The following PDLIM1 variants were observed in gnomAD, a reference collection of about 807,000 sequenced individuals.
PDLIM1 encodes PDZ and LIM domain 1, also known as PDZ and LIM domain protein 1.
In PDLIM1, 25 loss-of-function variants were observed where a neutral mutation model predicts 35.2. The observed-to-expected ratio is 0.71, with a 90% CI of 0.52 to 0.99. The LOEUF is 0.99. Ranked by LOEUF, PDLIM1 falls within the 50% of genes least tolerant of loss-of-function variation. PDLIM1 has a pLI of 0.00. For synonymous variants in PDLIM1, 152 were observed against 154.0 expected (o/e 0.99, Z 0.10); for missense variants, 363 against 415.3 (o/e 0.87, Z 1.09).
At chr10:95,266,318 T>C (rs1211234840) in intron 3 of PDLIM1, among the ~76,000 whole-genome samples, 1 of 152,166 alleles carries the variant, frequency 6.6e-6, no homozygotes, top group Non-Finnish European at 1.5e-5. Context: ...ATATAGTAAT[T>C]AAAGGCTATG....
Position 95,290,875 on chromosome 10 carries a change from C to G in PDLIM1, c.41G>C (p.Trp14Ser). The part of the protein sequence containing the change: ...QQIDLQGPGP[W>S]GFRLVGGKDF... ...CTTGCCGCCCACGAGGCGGAAGCCC[C>G]ACGGCCCCGGGCCCTGGAGGTCTAT... is the stretch of plus-strand genomic sequence containing the variant. Residue 14 changes from tryptophan to serine, a missense_variant, in exon 1 of 7, where the codon TGG becomes TCG. By Grantham distance (177) the Trp-to-Ser change is radical. Transcript: ENST00000329399. The surrounding 1 kb of genome is among the most constrained non-coding windows in gnomAD (Gnocchi z 4.7). The G allele has an allele frequency of 6.4e-7, 1 of 1,565,222 alleles. No homozygotes were observed. Among genetic ancestry groups the G allele is most frequent in the Non-Finnish European group, 8.7e-7 (1 of 1,155,626 alleles).
chr10:95,272,670 T>G (rs975110302), intron 1 of PDLIM1, among the ~76,000 whole-genome samples: 3 of 151,480 alleles, frequency 2.0e-5, no homozygotes, highest in East Asian at 3.9e-4. Flanking sequence ...TCTCAAAAAA[T>G]AATAATAATA....
intron 2 of PDLIM1, among the ~76,000 whole-genome samples, chr10:95,270,050 T>C (rs115020205): frequency 1.3e-5 from 2 of 152,308 alleles, no homozygotes; most frequent in South Asian, 2.1e-4. Context: ...CTTAACTTTA[T>C]ATTTGTCACA....
intron 4 of PDLIM1, among the ~76,000 whole-genome samples, chr10:95,249,044 A>C (rs1359640162): frequency 1.3e-5 from 2 of 152,186 alleles, no homozygotes; most frequent in East Asian, 3.8e-4. Flanking sequence ...CTCCCCCTGG[A>C]AAGTAAGCCC....
Position 95,263,050 on chromosome 10 carries a change from TG to T in PDLIM1, c.533+813del, listed in dbSNP as rs1221795867. 2.0e-5 allele frequency among the ~76,000 whole-genome samples: 3 copies of T among 150,274 alleles called. No individual in the cohort carries two copies. The Admixed American group carries it at 2.0e-4, about 10-fold the overall frequency. ...GTACCAGCTACTCAGGAGGCTGAGG[TG>T]GGAGGATCACTTGAACCCAGGAGGT... is the stretch of plus-strand genomic sequence containing the variant. On this transcript the variant is annotated intron_variant, in intron 4 of 6. Coordinates refer to ENST00000329399, the MANE Select transcript of PDLIM1 (RefSeq NM_020992.4).
intron 6 of PDLIM1, among the ~76,000 whole-genome samples, chr10:95,238,337 C>T (rs991342288): frequency 6.4e-5 from 9 of 140,536 alleles, no homozygotes; most frequent in Non-Finnish European, 1.4e-4. Flanking sequence ...TTCAACAGGG[C>T]AGCCCTGATT....
At chr10:95,270,574 T>G (rs2133431567) in intron 2 of PDLIM1, among the ~76,000 whole-genome samples, 1 of 152,290 alleles carries the variant, frequency 6.6e-6, no homozygotes, top group East Asian at 1.9e-4. Context: ...TCTACCCTAA[T>G]TACAGCTCCC....
chr10:95,258,468 C>G (rs1309748886), intron 4 of PDLIM1, among the ~76,000 whole-genome samples: 1 of 151,942 alleles, frequency 6.6e-6, no homozygotes, highest in Non-Finnish European at 1.5e-5. Context: ...CGCCACTGCA[C>G]TCCAGCCTGG....
At chr10:95,265,370 G>A (rs896501856) in intron 3 of PDLIM1, among the ~76,000 whole-genome samples, 4 of 152,056 alleles carry the variant, frequency 2.6e-5, no homozygotes, top group East Asian at 1.9e-4. Flanking sequence ...CGAGGCGGGC[G>A]GATCACCTGA....
At chr10:95,282,403 C>T (rs2035568453) in intron 1 of PDLIM1, among the ~76,000 whole-genome samples, 1 of 152,148 alleles carries the variant, frequency 6.6e-6, no homozygotes, top group Non-Finnish European at 1.5e-5. Flanking sequence ...TTAAAATGTT[C>T]TTGGTTAGTC....
At chr10:95,276,328 C>T (rs2035511307) in intron 1 of PDLIM1, among the ~76,000 whole-genome samples, 1 of 152,174 alleles carries the variant, frequency 6.6e-6, no homozygotes, top group African/African-American at 2.4e-5. Context: ...GGAGACTCAT[C>T]TGCAGTGGCC....
chr10:95,290,319 G>A lies in PDLIM1; in HGVS notation c.96+501C>T, dbSNP rs979175111. ...TTCGAGGGGCGAGCCTCGGCCGTGG[G>A]TCAAGTCCAAAGAGCGTGTTTCGGT... On this transcript the variant is annotated intron_variant, in intron 1 of 6. Coordinates refer to ENST00000329399, the MANE Select transcript of PDLIM1 (RefSeq NM_020992.4). The surrounding 1 kb of genome is among the most constrained non-coding windows in gnomAD (Gnocchi z 4.7). Among the ~76,000 whole-genome samples the A allele has an allele frequency of 6.6e-6, 1 of 152,162 alleles. No homozygotes were observed. Among genetic ancestry groups the A allele is most frequent in the Non-Finnish European group, 1.5e-5 (1 of 68,034 alleles).
intron 2 of PDLIM1, among the ~76,000 whole-genome samples, chr10:95,269,287 C>G (rs1392371703): frequency 6.6e-6 from 1 of 152,142 alleles, no homozygotes; most frequent in Non-Finnish European, 1.5e-5. Flanking sequence ...AATAATGCCT[C>G]TTGGCCGGGC....
chr10:95,281,203 C>T (rs2035557996), intron 1 of PDLIM1, among the ~76,000 whole-genome samples: 1 of 152,016 alleles, frequency 6.6e-6, no homozygotes, highest in Non-Finnish European at 1.5e-5. Context: ...AACTTATACT[C>T]CTATAAAATA....
intron 4 of PDLIM1, among the ~76,000 whole-genome samples, chr10:95,249,326 G>A (rs1011313879): frequency 6.6e-6 from 1 of 152,256 alleles, no homozygotes; most frequent in African/African-American, 2.4e-5. Context: ...TCTCAGCTGA[G>A]CTGCTAAGGA....
At chr10:95,285,432 T>G (rs1220265582) in intron 1 of PDLIM1, among the ~76,000 whole-genome samples, 1 of 152,146 alleles carries the variant, frequency 6.6e-6, no homozygotes, top group Non-Finnish European at 1.5e-5. Context: ...AGCAATGAAA[T>G]ATTGACAGTT....
At position 95,274,293 on chromosome 10, in the gene PDLIM1, C is replaced by CTTTT. The variant is rs11429361; in HGVS notation, c.97-2513_97-2510dup. Among the ~76,000 whole-genome samples the CTTTT allele has an allele frequency of 7.7e-5, 10 of 130,598 alleles. 1 individual carries two copies. Among genetic ancestry groups the CTTTT allele is most frequent in the African/African-American group, 1.7e-4 (6 of 34,662 alleles). 85.7% of individuals were successfully genotyped at this position (130,598 alleles called of 152,430 possible). On this transcript the variant is annotated intron_variant, in intron 1 of 6. Transcript: ENST00000329399. ...TCTAAGCTATACCCCCACAGTCATC[C>CTTTT]TTTTTTTTTTTTTTTTTGAGACGGA...
In PDLIM1 at chr10:95,277,221, G is replaced by GA. The variant is rs914647983; in HGVS notation, c.97-5438dup. On this transcript the variant is annotated intron_variant, in intron 1 of 6. Coordinates refer to ENST00000329399, the MANE Select transcript of PDLIM1 (RefSeq NM_020992.4). Reference sequence around the variant, plus strand: ...TAGAGTGAGACTTGTCTCAGAACAAGAAAAAAAAAAATTATATACTCACTC... The same window carrying GA: ...TAGAGTGAGACTTGTCTCAGAACAAGAAAAAAAAAAAATTATATACTCACTC... Among the ~76,000 whole-genome samples the GA allele has an allele frequency of 5.6e-3, 814 of 144,864 alleles. 10 individuals are homozygous for GA. The highest frequency in any genetic ancestry group is 0.019 in the African/African-American group (743 of 39,554).
At chr10:95,282,534 T>G (rs953581895) in intron 1 of PDLIM1, among the ~76,000 whole-genome samples, 1 of 152,094 alleles carries the variant, frequency 6.6e-6, no homozygotes, top group African/African-American at 2.4e-5. Context: ...TGCTAAGGGG[T>G]GACAGTTCAA....
Sources: gnomAD v4.1 joint callset for allele counts (sites outside exome capture counted in the v4.1 genomes callset) on GRCh38, gnomAD v4.1.1 for gene constraint, Gnocchi (gnomAD v3.1) non-coding constraint, MANE v1.5 for transcripts, NCBI Gene and HGNC (gene_info 2026-07-23, HGNC 2026-07-21) for gene names.